RARB: variants seen among roughly 807,000 people sequenced by gnomAD.
The protein encoded by RARB is retinoic acid receptor beta.
In RARB, 17 loss-of-function variants were observed where a neutral mutation model predicts 51.9. The observed-to-expected ratio is 0.33, with a 90% CI of 0.22 to 0.49. The LOEUF (loss-of-function observed/expected upper bound fraction) is 0.49. Among genes scored for constraint, RARB ranks in the 20% least tolerant of loss-of-function variants. RARB has a pLI of 0.99. For missense variants in RARB, 369 were observed against 550.8 expected (o/e 0.67, Z 3.30); for synonymous variants, 215 against 195.4 (o/e 1.10, Z -0.84).
intron 2 of RARB, among the ~76,000 whole-genome samples, chr3:24,872,686 G>C (rs1702970403): frequency 6.6e-6 from 1 of 152,074 alleles, no homozygotes; most frequent in Admixed American, 6.5e-5. Flanking sequence ...CACAGGGAGG[G>C]CACCAAGCCA....
upstream of RARB, chr3:25,428,171 AGACTAGTT>A (rs1323662995): frequency 8.8e-7 from 1 of 1,136,960 alleles, no homozygotes; most frequent in Non-Finnish European, 1.1e-6. Flanking sequence ...TGGTGATGTC[AGACTAGTT>A]GGGTCATTTG....
intron 2 of RARB, among the ~76,000 whole-genome samples, chr3:25,470,779 C>A (rs1057514879): frequency 1.3e-5 from 2 of 152,062 alleles, no homozygotes; most frequent in South Asian, 2.1e-4. Context: ...TGCTGTTGTT[C>A]GCCTTTGTAG....
intron 2 of RARB, among the ~76,000 whole-genome samples, chr3:25,029,569 C>G (rs138452555): frequency 2.6e-5 from 4 of 152,270 alleles, no homozygotes; most frequent in Non-Finnish European, 5.9e-5. Flanking sequence ...GCCTTCTTAG[C>G]TTTTTCAAAT....
chr3:24,908,480 TG>T (rs1694915601), intron 2 of RARB, among the ~76,000 whole-genome samples: 1 of 152,138 alleles, frequency 6.6e-6, no homozygotes, highest in Admixed American at 6.6e-5. Flanking sequence ...ATCTTCTCCT[TG>T]ATAAGACTAA....
chr3:25,038,489 T>A (rs1280208697), intron 2 of RARB, among the ~76,000 whole-genome samples: 1 of 152,114 alleles, frequency 6.6e-6, no homozygotes, highest in Non-Finnish European at 1.5e-5. Flanking sequence ...CCCCACACAT[T>A]GTTAGAGCTG....
At chr3:25,579,531 A>T (rs537091380) in intron 4 of RARB, among the ~76,000 whole-genome samples, 2 of 152,344 alleles carry the variant, frequency 1.3e-5, no homozygotes, top group Admixed American at 1.3e-4. Flanking sequence ...ATGTTGTAGC[A>T]TGTATTACAG....
chr3:25,016,714 A>G (rs1344445770), intron 2 of RARB, among the ~76,000 whole-genome samples: 1 of 152,052 alleles, frequency 6.6e-6, no homozygotes, highest in Non-Finnish European at 1.5e-5. Flanking sequence ...TGGTCAATAT[A>G]GCATTTCTTT....
chr3:24,913,894 A>G (rs1308503531), intron 2 of RARB, among the ~76,000 whole-genome samples: 1 of 152,228 alleles, frequency 6.6e-6, no homozygotes, highest in Admixed American at 6.5e-5. Context: ...TTTACTCACT[A>G]TGTATTAGAA....
chr3:25,061,865 C>T (rs1698558359), intron 3 of RARB, among the ~76,000 whole-genome samples: 1 of 151,658 alleles, frequency 6.6e-6, no homozygotes, highest in Non-Finnish European at 1.5e-5. Flanking sequence ...CTTAGTAACA[C>T]AGCATATACT....
chr3:24,863,533 C>T (rs550823102), intron 2 of RARB, among the ~76,000 whole-genome samples: 16 of 152,076 alleles, frequency 1.1e-4, no homozygotes, highest in Non-Finnish European at 1.9e-4. Flanking sequence ...AAGATCATGT[C>T]AGCGTAACCT....
Position 25,169,147 on chromosome 3 carries a change from G to T in RARB, c.-279-4972G>T, listed in dbSNP as rs149383207. Among the ~76,000 whole-genome samples the T allele has an allele frequency of 3.8e-3, 582 of 152,224 alleles. 4 individuals are homozygous for T. Among genetic ancestry groups the T allele is most frequent in the African/African-American group, 0.014 (562 of 41,528 alleles). ...ACACAAAAATATTGTAATTCATGCA[G>T]AGTCTCAAAAAATTTACCTCCCACA... On this transcript the variant is annotated intron_variant, in intron 4 of 11. Transcript: ENST00000383772.
At chr3:25,119,387 T>G (rs544402877) in intron 3 of RARB, among the ~76,000 whole-genome samples, 1 of 152,128 alleles carries the variant, frequency 6.6e-6, no homozygotes, top group East Asian at 1.9e-4. Context: ...TGCTACAGTT[T>G]TGTCAACTGT....
intron 5 of RARB, among the ~76,000 whole-genome samples, chr3:25,356,608 G>A (rs1427769358): frequency 6.6e-6 from 1 of 151,860 alleles, no homozygotes; most frequent in Non-Finnish European, 1.5e-5. Flanking sequence ...GTGGTTTGCT[G>A]CACCCATCAA....
intron 4 of RARB, among the ~76,000 whole-genome samples, chr3:25,149,896 A>AT (rs111231805): frequency 0.05 from 7,550 of 151,096 alleles, 486 homozygotes; most frequent in African/African-American, 0.15. Flanking sequence ...GCAGCAGAAC[A>AT]TTTTTTTTTA....
At chr3:25,534,297 G>A (rs1351779048) in intron 3 of RARB, among the ~76,000 whole-genome samples, 1 of 152,062 alleles carries the variant, frequency 6.6e-6, no homozygotes, top group Non-Finnish European at 1.5e-5. Flanking sequence ...AGTTTGGATG[G>A]GTACCTATGT....
intron 1 of RARB, among the ~76,000 whole-genome samples, chr3:25,435,287 A>G (rs760269999): frequency 1.5e-4 from 23 of 152,228 alleles, no homozygotes; most frequent in Non-Finnish European, 3.1e-4. Context: ...ATGTGCAGGT[A>G]AAAGAACAAA....
chr3:25,366,825 T>A (rs1394640558), intron 5 of RARB, among the ~76,000 whole-genome samples: 1 of 152,196 alleles, frequency 6.6e-6, no homozygotes, highest in Non-Finnish European at 1.5e-5. Context: ...ATCCTTGCAT[T>A]TGGAATTGTT....
intron 3 of RARB, among the ~76,000 whole-genome samples, chr3:25,525,868 C>T (rs1020939004): frequency 2.0e-5 from 3 of 152,064 alleles, no homozygotes; most frequent in Non-Finnish European, 2.9e-5. Flanking sequence ...AGCAAGTGAG[C>T]AGGCAGATAT....
intron 2 of RARB, among the ~76,000 whole-genome samples, chr3:24,870,862 G>A (rs971806164): frequency 1.3e-5 from 2 of 151,994 alleles, no homozygotes; most frequent in East Asian, 1.9e-4. Context: ...CACCTCAAGC[G>A]TTTGTCAACT....
Sources: allele counts gnomAD v4.1 joint callset (sites outside exome capture counted in the v4.1 genomes callset), GRCh38; gene constraint gnomAD v4.1.1; transcripts MANE v1.5; gene names NCBI Gene and HGNC (gene_info 2026-07-23, HGNC 2026-07-21).